LHX4: variants seen among roughly 807,000 people sequenced by gnomAD.
LHX4 encodes LIM/homeobox protein Lhx4.
In LHX4, 16 loss-of-function variants were observed where a neutral mutation model predicts 39.2. The observed-to-expected ratio is 0.41, with a 90% CI of 0.28 to 0.62. The LOEUF is 0.62. LHX4 is among the 20% of genes least tolerant of loss of function. LHX4 has a pLI of 0.33. For missense variants in LHX4, 439 were observed against 511.9 expected, an observed-to-expected ratio of 0.86 and a Z score of 1.37; for synonymous variants, 206 against 198.1, an observed-to-expected ratio of 1.04 and a Z score of -0.33.
chr1:180,262,692 A>AAAAAG (rs1283757543), intron 2 of LHX4, among the ~76,000 whole-genome samples: 2 of 151,960 alleles, frequency 1.3e-5, no homozygotes, highest in African/African-American at 2.4e-5. Context: ...AAAAAAAAAA[A>AAAAAG]AAAAGAAAAG....
intron 2 of LHX4, among the ~76,000 whole-genome samples, chr1:180,256,629 GA>G (rs1334854941): frequency 6.6e-6 from 1 of 152,220 alleles, no homozygotes; most frequent in Non-Finnish European, 1.5e-5. Context: ...GAGCATAGGT[GA>G]CAGGATTTCT....
chr1:180,237,124 C>G (rs973545100), intron 1 of LHX4, among the ~76,000 whole-genome samples: 1 of 151,696 alleles, frequency 6.6e-6, no homozygotes, highest in Non-Finnish European at 1.5e-5. Flanking sequence ...CCCCCAATTT[C>G]TTCTGTCTAT....
intron 1 of LHX4, among the ~76,000 whole-genome samples, chr1:180,239,025 TG>T (rs1664390169): frequency 6.6e-6 from 1 of 152,232 alleles, no homozygotes; most frequent in Non-Finnish European, 1.5e-5. Flanking sequence ...TACTTTGAAA[TG>T]GAAAGTTTTA....
At position 180,274,425 on chromosome 1, in the gene LHX4, T is replaced by C; in HGVS notation, c.1019T>C (p.Ile340Thr). 3 of 1,614,196 alleles carry C rather than the reference T, an allele frequency of 1.9e-6. No individual in the cohort carries two copies. Among genetic ancestry groups the C allele is most frequent in the Non-Finnish European group, 2.5e-6 (3 of 1,180,044 alleles). ...TACACGGTGGACAGTAATTTGGGCA[T>C]CATTGCGCATGCAGGGCAGGGAGTA... ...LDYTVDSNLGIIAHAGQGVSQ... is the reference protein window; with the variant it reads ...LDYTVDSNLGTIAHAGQGVSQ... The change falls in exon 6 of 6, where the codon ATC becomes ACC. Residue 340 changes from isoleucine (I) to threonine (T), a missense_variant. Physicochemically the swap from Ile to Thr is moderately conservative, Grantham distance 89. Transcript: ENST00000263726.
chr1:180,247,784 C>G (rs1031629501), intron 1 of LHX4, among the ~76,000 whole-genome samples: 1 of 152,206 alleles, frequency 6.6e-6, no homozygotes, highest in African/African-American at 2.4e-5. Context: ...CTGCCCGCCC[C>G]CTCCCCCACA....
Position 180,275,598 on chromosome 1 carries a change from A to AC in LHX4, c.*1023dup, listed in dbSNP as rs943266728. ...TTGGTTTAGATGAGCTTGCAAGTCT[A>AC]CCCCTCTGAAAGCTTTCTCTGCTGT... On this transcript the variant is annotated 3_prime_UTR_variant, in exon 6 of 6. Coordinates refer to ENST00000263726, the MANE Select transcript of LHX4 (RefSeq NM_033343.4). The AC allele has an allele frequency of 2.0e-5, 3 of 152,062 alleles. No individual in the cohort carries two copies. The highest frequency in any genetic ancestry group is 2.0e-4 in the Admixed American group (3 of 15,272). 9.4% of individuals were successfully genotyped at this position (152,062 alleles called of 1,614,324 possible).
At chr1:180,271,144 G>A (rs1012990645) in intron 3 of LHX4, 2 of 588,424 alleles carry the variant, frequency 3.4e-6, no homozygotes, top group Non-Finnish European at 6.2e-6. Flanking sequence ...TTGAGGCAGG[G>A]AGCTGAGCAG....
intron 3 of LHX4, 38 bp from the exon 4 acceptor site, chr1:180,271,342 A>C: frequency 6.2e-7 from 1 of 1,613,586 alleles, no homozygotes; most frequent in African/African-American, 1.3e-5. Context: ...GCTGCTGCAG[A>C]TAGGCCGAAG....
At chr1:180,229,973 G>GGT (rs1664132852), upstream of LHX4, among the ~76,000 whole-genome samples, 2 of 143,630 alleles carry the variant, frequency 1.4e-5, no homozygotes, top group Non-Finnish European at 3.1e-5. Context: ...GAGGGGGGGG[G>GGT]GGTGCCGGCT....
At chr1:180,255,000 C>T (rs1018107963) in intron 2 of LHX4, among the ~76,000 whole-genome samples, 1 of 152,188 alleles carries the variant, frequency 6.6e-6, no homozygotes, top group Non-Finnish European at 1.5e-5. Flanking sequence ...GGGGATTGAA[C>T]AAAGGCCCAC....
rs546883729 is a variant in LHX4, at chr1:180,263,389, C to T, written c.249-3003C>T. On this transcript the variant is annotated intron_variant, in intron 2 of 5. Coordinates refer to ENST00000263726, the MANE Select transcript of LHX4 (RefSeq NM_033343.4). ...ACAGTGTCTCCATCACAGACACACC[C>T]CTGTAGGATGCCCTGTATTCTAGAT... Among the ~76,000 whole-genome samples the T allele has an allele frequency of 1.4e-3, 213 of 152,268 alleles. 1 individual carries two copies. Among genetic ancestry groups the T allele is most frequent in the Non-Finnish European group, 2.3e-3 (157 of 68,018 alleles).
In LHX4 at chr1:180,271,381, T is replaced by C; in HGVS notation, c.453T>C (p.Asp151=). 6.2e-7 allele frequency: 1 copy of C among 1,614,148 alleles called. No individual in the cohort carries two copies. Among genetic ancestry groups the C allele is most frequent in the Non-Finnish European group, 8.5e-7 (1 of 1,180,012 alleles). ...KEDYETAKQN[D]DSEAGAKRPR... is the part of the protein sequence containing the mutation. ...GTAAGCAGTGGTTTTTCCTTGCAGA[T>C]GACTCAGAGGCTGGAGCTAAGCGGC... The change falls in exon 4 of 6, where the codon GAT becomes GAC. Residue 151 remains aspartate (D), a splice_region_variant and synonymous_variant. Transcript: ENST00000263726.
At chr1:180,238,898 C>T (rs1389031243) in intron 1 of LHX4, among the ~76,000 whole-genome samples, 2 of 152,166 alleles carry the variant, frequency 1.3e-5, no homozygotes, top group African/African-American at 2.4e-5. Flanking sequence ...CAGGTTTTCC[C>T]TGCGTGGGGA....
chr1:180,255,003 A>C (rs1647784895), intron 2 of LHX4, among the ~76,000 whole-genome samples: 1 of 152,196 alleles, frequency 6.6e-6, no homozygotes, highest in African/African-American at 2.4e-5. Context: ...GATTGAACAA[A>C]GGCCCACCCT....
chr1:180,271,342 A>G (rs1648643518), intron 3 of LHX4, 38 bp from the exon 4 acceptor site: 1 of 1,613,468 alleles, frequency 6.2e-7, no homozygotes. Flanking sequence ...GCTGCTGCAG[A>G]TAGGCCGAAG....
At chr1:180,240,587 TCAAA>T (rs1664423617) in intron 1 of LHX4, among the ~76,000 whole-genome samples, 4 of 152,170 alleles carry the variant, frequency 2.6e-5, no homozygotes, top group Admixed American at 2.0e-4. Context: ...TTAAAATCGA[TCAAA>T]CAAACACAAA....
intron 5 of LHX4, 29 bp downstream of exon 5, chr1:180,272,035 G>C (rs776619864): frequency 2.5e-6 from 4 of 1,597,464 alleles, no homozygotes. Flanking sequence ...GCCAGGCCGA[G>C]GCCTTAGGAA....
intron 2 of LHX4, among the ~76,000 whole-genome samples, chr1:180,256,883 G>A (rs956483809): frequency 3.9e-5 from 6 of 152,228 alleles, no homozygotes; most frequent in African/African-American, 9.6e-5. Flanking sequence ...GTGACCTTGG[G>A]CCAGGCAGCT....
intron 1 of LHX4, among the ~76,000 whole-genome samples, chr1:180,231,127 C>G (rs1028125280): frequency 7.3e-5 from 11 of 150,802 alleles, no homozygotes; most frequent in Non-Finnish European, 1.5e-4. Flanking sequence ...CCGGGTGAGT[C>G]CCCAGCCGCT....
Sources: allele counts gnomAD v4.1 joint callset (sites outside exome capture counted in the v4.1 genomes callset), GRCh38; gene constraint gnomAD v4.1.1; transcripts MANE v1.5; gene names NCBI Gene and HGNC (gene_info 2026-07-23, HGNC 2026-07-21).